The following VPS13B variants were observed in gnomAD, a reference collection of about 807,000 sequenced individuals.
VPS13B encodes vacuolar protein sorting 13 homolog B.
Under a neutral mutation model 426.4 loss-of-function variants are expected in VPS13B, and 285 were observed. That is an observed-to-expected ratio of 0.67 (90% CI 0.61 to 0.74). The LOEUF (loss-of-function observed/expected upper bound fraction) is 0.74, where lower values mean the gene tolerates loss of function less well. VPS13B is among the 30% of genes least tolerant of loss of function. The pLI is 0.00. For missense variants in VPS13B, 4,537 were observed against 4,782.6 expected (o/e 0.95, Z 1.51); for synonymous variants, 1,676 against 1,676.4 (o/e 1.00, Z 0.01).
intron 30 of VPS13B, among the ~76,000 whole-genome samples, chr8:99,548,367 GA>G (rs1824099056): frequency 1.3e-5 from 2 of 151,814 alleles, no homozygotes; most frequent in African/African-American, 2.4e-5. Context: ...TTCAGTCTTT[GA>G]AAAAATAAAT....
At chr8:99,549,999 T>C (rs1261509508) in intron 30 of VPS13B, among the ~76,000 whole-genome samples, 1 of 151,988 alleles carries the variant, frequency 6.6e-6, no homozygotes. Flanking sequence ...CCTTTTGGAG[T>C]ATTAAGTGTT....
At chr8:99,302,123 G>GA (rs1345098401) in intron 19 of VPS13B, among the ~76,000 whole-genome samples, 2 of 152,142 alleles carry the variant, frequency 1.3e-5, no homozygotes, top group Non-Finnish European at 2.9e-5. Context: ...AGGCTGTTCT[G>GA]AAGTCATTAT....
intron 39 of VPS13B, among the ~76,000 whole-genome samples, chr8:99,763,165 A>AG (rs1811033901): frequency 6.9e-6 from 1 of 143,962 alleles, no homozygotes; most frequent in East Asian, 2.0e-4. Context: ...AAAAAAAAAA[A>AG]GAAGAGAAAA....
At chr8:99,699,282 A>G (rs901495177) in intron 35 of VPS13B, among the ~76,000 whole-genome samples, 5 of 151,956 alleles carry the variant, frequency 3.3e-5, no homozygotes, top group Non-Finnish European at 7.4e-5. Context: ...TATCAGGGCC[A>G]CACATGTCAC....
At chr8:99,416,555 C>G (rs1250715895) in intron 21 of VPS13B, among the ~76,000 whole-genome samples, 1 of 152,202 alleles carries the variant, frequency 6.6e-6, no homozygotes, top group Non-Finnish European at 1.5e-5. Flanking sequence ...GCATAGGCCC[C>G]TGAGGGAATC....
At position 99,720,344 on chromosome 8, in the gene VPS13B, G is replaced by C. The variant is rs1159495304; in HGVS notation, c.6658-1G>C. 6.2e-7 allele frequency: 1 copy of C among 1,611,562 alleles called. No homozygotes were observed. The highest frequency in any genetic ancestry group is 8.5e-7 in the Non-Finnish European group (1 of 1,179,438). ...ACTAGAATTTTTTTATGATTTTAAA[G>C]GTCTTCTGGGGTCAAGAACATTTGA... On this transcript the variant is annotated splice_acceptor_variant, in intron 37 of 61. Transcript: ENST00000357162. LOFTEE classifies it high-confidence loss of function.
intron 3 of VPS13B, among the ~76,000 whole-genome samples, chr8:99,085,150 A>G (rs1485647275): frequency 1.3e-5 from 2 of 152,156 alleles, no homozygotes; most frequent in African/African-American, 2.4e-5. Flanking sequence ...TATTGGGTGC[A>G]TATATATTTA....
intron 25 of VPS13B, among the ~76,000 whole-genome samples, chr8:99,484,537 A>T (rs1820198756): frequency 1.3e-5 from 2 of 152,144 alleles, no homozygotes; most frequent in Admixed American, 1.3e-4. Flanking sequence ...TTTGTTTTTC[A>T]TAAAGGGCAG....
chr8:99,344,034 C>T (rs183659370), intron 19 of VPS13B, among the ~76,000 whole-genome samples: 72 of 152,218 alleles, frequency 4.7e-4, no homozygotes, highest in African/African-American at 1.5e-3. Flanking sequence ...AACAAAATGA[C>T]GATATCCAAC....
At chr8:99,281,889 C>G (rs1819193018) in intron 19 of VPS13B, among the ~76,000 whole-genome samples, 1 of 152,114 alleles carries the variant, frequency 6.6e-6, no homozygotes, top group African/African-American at 2.4e-5. Context: ...ATGATCTAAT[C>G]AATACATCTG....
At chr8:99,688,607 C>T (rs114161561) in intron 35 of VPS13B, among the ~76,000 whole-genome samples, 3,143 of 152,004 alleles carry the variant, frequency 0.021, 161 homozygotes, top group African/African-American at 0.073. Context: ...ATTAATTTGA[C>T]GAGCCTGTGA....
chr8:99,199,582 A>T (rs1239756518), intron 17 of VPS13B, among the ~76,000 whole-genome samples: 2 of 152,074 alleles, frequency 1.3e-5, no homozygotes, highest in Non-Finnish European at 2.9e-5. Flanking sequence ...ATTGATAGTT[A>T]CCTACCAACA....
intron 30 of VPS13B, among the ~76,000 whole-genome samples, chr8:99,540,054 TA>T (rs1823517928): frequency 7.2e-4 from 4 of 5,574 alleles, no homozygotes; most frequent in Non-Finnish European, 1.3e-3. Context: ...TATATATATA[TA>T]TATATATATT....
At chr8:99,268,267 C>T (rs2132973910) in intron 17 of VPS13B, among the ~76,000 whole-genome samples, 1 of 152,342 alleles carries the variant, frequency 6.6e-6, no homozygotes, top group East Asian at 1.9e-4. Context: ...AGAGTCCCTA[C>T]TGGGGCACTG....
intron 33 of VPS13B, among the ~76,000 whole-genome samples, chr8:99,621,820 C>CTTTTTTTTT (rs749078781): frequency 2.0e-4 from 17 of 83,232 alleles, no homozygotes; most frequent in South Asian, 4.3e-4. Flanking sequence ...TGTTTTGTTT[C>CTTTTTTTTT]TTTTTTTTTT....
intron 19 of VPS13B, among the ~76,000 whole-genome samples, chr8:99,352,363 G>A (rs1360218922): frequency 6.6e-6 from 1 of 152,070 alleles, no homozygotes; most frequent in African/African-American, 2.4e-5. Flanking sequence ...CCATCACTTT[G>A]TTCCTAGTCT....
chr8:99,144,018 C>T (rs1810568223), intron 13 of VPS13B, among the ~76,000 whole-genome samples: 1 of 152,064 alleles, frequency 6.6e-6, no homozygotes, highest in South Asian at 2.1e-4. Flanking sequence ...CTTTTCTTCT[C>T]TTCTTTCTTC....
At chr8:99,779,090 G>A (rs1377523731) in intron 42 of VPS13B, 59 bp downstream of exon 42, 1 of 1,441,034 alleles carries the variant, frequency 6.9e-7, no homozygotes, top group Non-Finnish European at 9.8e-7. Context: ...ATTAGGTTCT[G>A]TATGCTATCA....
At chr8:99,213,375 G>T in intron 17 of VPS13B, among the ~76,000 whole-genome samples, 1 of 151,892 alleles carries the variant, frequency 6.6e-6, no homozygotes, top group East Asian at 1.9e-4. Flanking sequence ...AGATTTCCAT[G>T]TCAAAAATTA....
Sources: allele counts gnomAD v4.1 joint callset (sites outside exome capture counted in the v4.1 genomes callset), GRCh38; gene constraint gnomAD v4.1.1; transcripts MANE v1.5; gene names NCBI Gene and HGNC (gene_info 2026-07-23, HGNC 2026-07-21).